Variants in WNK2 observed in about 807,000 individuals in gnomAD.
WNK2 encodes serine/threonine-protein kinase WNK2.
A neutral mutation model predicts 192.1 loss-of-function variants in WNK2; 67 were observed. That is an observed-to-expected ratio of 0.35 (90% CI 0.29 to 0.43). The LOEUF (loss-of-function observed/expected upper bound fraction) is 0.43. Ranked by LOEUF, WNK2 falls within the 20% of genes least tolerant of loss-of-function variation. The pLI is 1.00. For missense variants in WNK2, 2,698 were observed against 3,089.7 expected, an observed-to-expected ratio of 0.87 and a Z score of 3.01; for synonymous variants, 1,439 against 1,393.9, an observed-to-expected ratio of 1.03 and a Z score of -0.72.
chr9:93,252,857 C>CT (rs1425301299), intron 8 of WNK2, 26 bp from the exon 9 acceptor site: 3 of 1,390,758 alleles, frequency 2.2e-6, no homozygotes, highest in South Asian at 1.7e-5. Flanking sequence ...GATGTCCACT[C>CT]TAAGTCCTGC....
chr9:93,308,847 A>G, intron 28 of WNK2: 3 of 1,356,608 alleles, frequency 2.2e-6, no homozygotes, highest in Non-Finnish European at 1.9e-6. Flanking sequence ...CACAGCTCAG[A>G]TACAGCAGCA....
intron 2 of WNK2, among the ~76,000 whole-genome samples, chr9:93,208,005 C>T (rs967954380): frequency 6.6e-6 from 1 of 152,196 alleles, no homozygotes; most frequent in Non-Finnish European, 1.5e-5. Flanking sequence ...GGCTTTGTGA[C>T]TGCCCTGAGG....
chr9:93,193,717 C>T (rs979544300), intron 2 of WNK2, among the ~76,000 whole-genome samples: 66 of 152,176 alleles, frequency 4.3e-4, no homozygotes, highest in African/African-American at 1.6e-3. Context: ...TGAACACTGT[C>T]TGTAAGTTTT....
At chr9:93,255,697 A>C (rs563416493) in intron 9 of WNK2, among the ~76,000 whole-genome samples, 1 of 152,278 alleles carries the variant, frequency 6.6e-6, no homozygotes, top group East Asian at 1.9e-4. Flanking sequence ...ACAGCAAGAC[A>C]CTTCCCCTGT....
intron 19 of WNK2, among the ~76,000 whole-genome samples, chr9:93,284,103 A>G (rs756526438): frequency 6.6e-6 from 1 of 152,208 alleles, no homozygotes; most frequent in Non-Finnish European, 1.5e-5. Flanking sequence ...CCCTTCCTAT[A>G]AGGAAAAGTT....
chr9:93,292,203 G>A, intron 21 of WNK2, 105 bp from the exon 22 acceptor site: 1 of 1,162,940 alleles, frequency 8.6e-7, no homozygotes, highest in East Asian at 2.3e-5. Context: ...TGCCTGTCTG[G>A]AGGCACTCCC....
At position 93,267,936 on chromosome 9, in the gene WNK2, G is replaced by T; in HGVS notation, c.3867+20G>T. Reference sequence around the variant, plus strand: ...GGGGAGGTGAGGTTGTGAAATCCGGGGTGGGAGGTGGTGAGAGTGCAGTGG... The same window carrying T: ...GGGGAGGTGAGGTTGTGAAATCCGGTGTGGGAGGTGGTGAGAGTGCAGTGG... On this transcript the variant is annotated intron_variant, in intron 17 of 29. Transcript: ENST00000427277. 1 of 1,610,876 alleles carries T rather than the reference G, an allele frequency of 6.2e-7. No homozygotes were observed. The highest frequency in any genetic ancestry group is 1.1e-5 in the South Asian group (1 of 90,344).
intron 2 of WNK2, among the ~76,000 whole-genome samples, chr9:93,218,632 C>T (rs915507977): frequency 6.6e-6 from 1 of 152,172 alleles, no homozygotes; most frequent in Admixed American, 6.5e-5. Flanking sequence ...GCCGAGGGTT[C>T]GAGCAGACAT....
intron 26 of WNK2, among the ~76,000 whole-genome samples, chr9:93,301,863 A>AAGTCTT (rs1332958364): frequency 1.3e-5 from 2 of 152,310 alleles, no homozygotes; most frequent in Admixed American, 1.3e-4. Flanking sequence ...CCCATCAGGC[A>AAGTCTT]AGTCTTAGTC....
chr9:93,253,096 T>C lies in WNK2; in HGVS notation c.2034+14T>C, dbSNP rs371388406. On this transcript the variant is annotated intron_variant, in intron 9 of 29. Transcript: ENST00000427277. Reference sequence around the variant, plus strand: ...CCCACGGCTGCAGTGAGTCAGAGCATCACTCCCACCCCCTTCCCCATCCCC... The same window carrying C: ...CCCACGGCTGCAGTGAGTCAGAGCACCACTCCCACCCCCTTCCCCATCCCC... 3.6e-6 allele frequency: 5 copies of C among 1,392,634 alleles called. No individual in the cohort carries two copies. In the African/African-American group the frequency reaches 4.4e-5, roughly 12 times the overall value. The allele number at this position is 1,392,634 out of a possible 1,614,324, so 86.3% of individuals were successfully genotyped here.
chr9:93,199,568 G>A (rs1403046967), intron 2 of WNK2, among the ~76,000 whole-genome samples: 1 of 152,224 alleles, frequency 6.6e-6, no homozygotes, highest in East Asian at 1.9e-4. Flanking sequence ...GGTTCGAGCA[G>A]CGTAGTGAAT....
rs1333753641 is a variant in WNK2 at position 93,184,300 on chromosome 9, T to C, written c.-88T>C. Among the ~76,000 whole-genome samples the C allele has an allele frequency of 6.6e-6, 1 of 150,530 alleles. No individual in the cohort carries two copies. The highest frequency in any genetic ancestry group is 1.5e-5 in the Non-Finnish European group (1 of 67,538). ...CCCCAGCGCGGACCTCGCCCGGAAC[T>C]CGGACCCCGTCCTCGAAGCGTGATC... is the stretch of plus-strand genomic sequence containing the variant. On this transcript the variant is annotated 5_prime_UTR_variant, in exon 1 of 30. Coordinates refer to ENST00000427277, the MANE Select transcript of WNK2 (RefSeq NM_006648.4).
chr9:93,252,390 G>A (rs560451322), intron 8 of WNK2, among the ~76,000 whole-genome samples: 13 of 152,368 alleles, frequency 8.5e-5, no homozygotes, highest in South Asian at 2.1e-4. Context: ...GCCTCTCTGC[G>A]GGTGTTGAGG....
At chr9:93,256,876 A>T in intron 10 of WNK2, 72 bp from the exon 11 acceptor site, 1 of 1,383,902 alleles carries the variant, frequency 7.2e-7, no homozygotes, top group East Asian at 2.5e-5. Flanking sequence ...ATATCCTGTC[A>T]TGTGTAACCA....
At chr9:93,317,736 G>T (rs1231741039) in intron 29 of WNK2, 105 bp downstream of exon 29, 1 of 1,493,242 alleles carries the variant, frequency 6.7e-7, no homozygotes, top group African/African-American at 1.4e-5. Context: ...GGCAGGCCAG[G>T]TGGGCCAGCT....
intron 19 of WNK2, among the ~76,000 whole-genome samples, chr9:93,284,210 G>A (rs1337915987): frequency 6.6e-6 from 1 of 152,180 alleles, no homozygotes; most frequent in Non-Finnish European, 1.5e-5. Context: ...TATCAAACTA[G>A]CGTAACTTTG....
rs372827923 is a variant in WNK2, at chr9:93,229,878, G to A, written c.854+10G>A. The A allele has an allele frequency of 1.7e-5, 27 of 1,611,244 alleles. 1 individual carries two copies. The highest frequency in any genetic ancestry group is 3.3e-4 in the Middle Eastern group (2 of 6,038). Reference sequence around the variant, plus strand: ...CAGGGACGCTGAAGACGTAAGCTCCGCTTCCTGAGGGCTGGGGCGGGTCCT... The same window carrying A: ...CAGGGACGCTGAAGACGTAAGCTCCACTTCCTGAGGGCTGGGGCGGGTCCT... On this transcript the variant is annotated intron_variant, in intron 3 of 29. Coordinates refer to ENST00000427277, the MANE Select transcript of WNK2 (RefSeq NM_006648.4). The surrounding 1 kb of genome is among the most constrained non-coding windows in gnomAD (Gnocchi z 4.9).
intron 29 of WNK2, chr9:93,318,060 A>T: frequency 6.2e-7 from 1 of 1,610,414 alleles, no homozygotes; most frequent in East Asian, 2.2e-5. Context: ...CTCCACACCC[A>T]CTTCCTATAC....
At position 93,185,731 on chromosome 9, in the gene WNK2, G is replaced by C. The variant is rs1829180294; in HGVS notation, c.681+121G>C. The C allele has an allele frequency of 9.4e-6, 11 of 1,171,912 alleles. No homozygotes were observed. The South Asian group carries it at 1.1e-4, about 11-fold the overall frequency. The allele number at this position is 1,171,912 out of a possible 1,614,324, so 72.6% of individuals were successfully genotyped here. A position where few individuals can be genotyped will look rare whatever the true frequency, so the allele number is the denominator to read the frequency against. On this transcript the variant is annotated intron_variant, in intron 2 of 29. Coordinates refer to ENST00000427277, the MANE Select transcript of WNK2 (RefSeq NM_006648.4). ...CCCTGGGGGCGGCGGGGCTCCATGTGTGTCACCCTCTGTGTGGATGGCTGG... is the reference window on the plus strand; with the variant it reads ...CCCTGGGGGCGGCGGGGCTCCATGTCTGTCACCCTCTGTGTGGATGGCTGG...
Sources: allele counts gnomAD v4.1 joint callset (sites outside exome capture counted in the v4.1 genomes callset), GRCh38; gene constraint gnomAD v4.1.1; non-coding constraint Gnocchi (gnomAD v3.1); transcripts MANE v1.5; gene names NCBI Gene and HGNC (gene_info 2026-07-23, HGNC 2026-07-21).